DLG1: variants seen among roughly 807,000 people sequenced by gnomAD.
DLG1 encodes the protein discs large MAGUK scaffold protein 1.
In DLG1, 42 loss-of-function variants were observed where a neutral mutation model predicts 123.4. That is an observed-to-expected ratio of 0.34 (90% CI 0.27 to 0.44). The LOEUF (loss-of-function observed/expected upper bound fraction) is 0.44. Ranked by LOEUF, DLG1 falls within the 20% of genes least tolerant of loss-of-function variation. The pLI, the probability that DLG1 is intolerant of heterozygous loss-of-function variation, is 1.00. For synonymous variants in DLG1, 317 were observed against 356.2 expected (o/e 0.89, Z 1.24); for missense variants, 942 against 1,082.6 (o/e 0.87, Z 1.82).
chr3:197,298,859 G>T, upstream of DLG1: 1 of 347,228 alleles, frequency 2.9e-6, no homozygotes, highest in Admixed American at 4.7e-5. Flanking sequence ...GAGTTTGAGG[G>T]TTATAGTACA....
chr3:197,158,187 G>T (rs1328354866), intron 5 of DLG1, among the ~76,000 whole-genome samples: 1 of 152,140 alleles, frequency 6.6e-6, no homozygotes, highest in South Asian at 2.1e-4. Flanking sequence ...ATGAACAGAT[G>T]TGTCACAAAT....
chr3:197,146,557 C>A (rs933148782), intron 6 of DLG1, among the ~76,000 whole-genome samples: 2 of 152,108 alleles, frequency 1.3e-5, no homozygotes, highest in Non-Finnish European at 2.9e-5. Context: ...GGAAAGGACA[C>A]CCTATTTGAC....
chr3:197,252,235 C>A (rs6782581), intron 4 of DLG1, among the ~76,000 whole-genome samples: 2 of 151,802 alleles, frequency 1.3e-5, no homozygotes, highest in Non-Finnish European at 2.9e-5. Context: ...TAAACCTCTT[C>A]TTTTACTGCT....
intron 24 of DLG1, among the ~76,000 whole-genome samples, chr3:197,047,738 C>CGAAACTAAACCCTTATCTTATACAAAA (rs1262808312): frequency 2.6e-5 from 4 of 151,730 alleles, no homozygotes; most frequent in African/African-American, 9.7e-5. Flanking sequence ...TGCAAGAGAA[C>CGAAACTAAACCCTTATCTTATACAAAA]GAAACTAAAC....
intron 5 of DLG1, among the ~76,000 whole-genome samples, chr3:197,158,818 A>G (rs1205170106): frequency 1.3e-5 from 2 of 152,136 alleles, no homozygotes; most frequent in African/African-American, 4.8e-5. Context: ...ACATATTCAA[A>G]TATCAAAAAA....
At chr3:197,079,362 T>C (rs1460706605) in intron 17 of DLG1, among the ~76,000 whole-genome samples, 1 of 152,152 alleles carries the variant, frequency 6.6e-6, no homozygotes, top group African/African-American at 2.4e-5. Flanking sequence ...ATAATCACTA[T>C]GTAAGGAAAG....
chr3:197,290,759 G>A (rs187516408), intron 3 of DLG1, among the ~76,000 whole-genome samples: 22 of 152,090 alleles, frequency 1.4e-4, no homozygotes, highest in African/African-American at 4.8e-4. Context: ...TTAGCCAGGC[G>A]TGGGGGCTCA....
Position 197,163,465 on chromosome 3 carries a change from GTGTC to G in DLG1, c.484-13673_484-13670del, listed in dbSNP as rs1451439096. On this transcript the variant is annotated intron_variant, in intron 5 of 24. Transcript: ENST00000667157. The stretch of plus-strand genomic sequence containing the variant: ...CAGTCAAAAGGCGGAAAGAAACCAC[GTGTC>G]TATCAGGAGATGAACGGATACACAA... Among the ~76,000 whole-genome samples the G allele has an allele frequency of 5.3e-5, 8 of 151,996 alleles. 1 individual carries two copies. Among genetic ancestry groups the G allele is most frequent in the African/African-American group, 1.9e-4 (8 of 41,468 alleles).
intron 4 of DLG1, among the ~76,000 whole-genome samples, chr3:197,245,122 C>A (rs918739676): frequency 3.9e-5 from 6 of 152,064 alleles, no homozygotes; most frequent in Admixed American, 1.3e-4. Context: ...GGGTTTGGTT[C>A]ATTCTTTCTA....
intron 10 of DLG1, chr3:197,136,310 C>T: frequency 4.5e-6 from 2 of 449,036 alleles, no homozygotes; most frequent in Non-Finnish European, 7.9e-6. Flanking sequence ...CATACAAGCC[C>T]TCAACAACAA....
rs6775268 is a variant in DLG1, at chr3:197,285,399, T to C, written c.152-2554A>G. 8.5e-3 allele frequency among the ~76,000 whole-genome samples: 1,284 copies of C among 151,852 alleles called. 18 individuals are homozygous for C. The highest frequency in any genetic ancestry group is 0.029 in the African/African-American group (1,216 of 41,416). ...TACAGGCCCAAGAGTATGTAATAAT[T>C]TAACATAATACCGGTGACATTTCTA... On this transcript the variant is annotated intron_variant, in intron 3 of 24. Coordinates refer to ENST00000667157, the MANE Select transcript of DLG1 (RefSeq NM_001366207.1).
chr3:197,216,658 C>A (rs1338211474), intron 4 of DLG1, among the ~76,000 whole-genome samples: 1 of 152,148 alleles, frequency 6.6e-6, no homozygotes, highest in Non-Finnish European at 1.5e-5. Context: ...TTCAGACTCC[C>A]AGAAGGAGGT....
intron 5 of DLG1, among the ~76,000 whole-genome samples, chr3:197,182,417 A>G (rs1712808732): frequency 6.6e-6 from 1 of 152,202 alleles, no homozygotes; most frequent in South Asian, 2.1e-4. Flanking sequence ...AATATTTGAG[A>G]AAAGTAAGTA....
At chr3:197,281,808 A>C (rs1430032949) in intron 4 of DLG1, among the ~76,000 whole-genome samples, 1 of 152,186 alleles carries the variant, frequency 6.6e-6, no homozygotes, top group African/African-American at 2.4e-5. Flanking sequence ...TAACATGAAG[A>C]CAAGGGATCA....
chr3:197,062,264 C>G (rs932718309), intron 22 of DLG1, among the ~76,000 whole-genome samples: 7 of 152,100 alleles, frequency 4.6e-5, no homozygotes, highest in Admixed American at 6.6e-5. Context: ...ATCCAACATG[C>G]CTGTTTTATA....
At chr3:197,067,587 C>T (rs1390309325) in intron 19 of DLG1, among the ~76,000 whole-genome samples, 11 of 99,996 alleles carry the variant, frequency 1.1e-4, no homozygotes, top group South Asian at 3.4e-4. Flanking sequence ...GACGGAGTTT[C>T]GCTCTTGTTG....
chr3:197,243,821 G>A (rs193066608), intron 4 of DLG1, among the ~76,000 whole-genome samples: 4 of 152,082 alleles, frequency 2.6e-5, no homozygotes, highest in East Asian at 1.9e-4. Context: ...ATCTGATTTC[G>A]GGCTTTAAAT....
chr3:197,282,131 C>A (rs1466931615), intron 4 of DLG1, among the ~76,000 whole-genome samples: 1 of 152,052 alleles, frequency 6.6e-6, no homozygotes, highest in Non-Finnish European at 1.5e-5. Flanking sequence ...ATAACACACA[C>A]AAAAAAGTAT....
intron 4 of DLG1, among the ~76,000 whole-genome samples, chr3:197,258,629 C>T (rs950620013): frequency 1.3e-5 from 2 of 152,250 alleles, no homozygotes; most frequent in Non-Finnish European, 2.9e-5. Flanking sequence ...GATAAAATTA[C>T]ATCAACTACA....
Sources: allele counts gnomAD v4.1 joint callset (sites outside exome capture counted in the v4.1 genomes callset), GRCh38; gene constraint gnomAD v4.1.1; transcripts MANE v1.5; gene names NCBI Gene and HGNC (gene_info 2026-07-23, HGNC 2026-07-21).